The following WDR27 variants were observed in gnomAD, a reference collection of about 807,000 sequenced individuals.
WDR27 encodes the protein WD repeat-containing protein 27.
Under a neutral mutation model 114.4 loss-of-function variants are expected in WDR27, and 100 were observed. The observed-to-expected ratio is 0.87, with a 90% CI of 0.74 to 1.03. The LOEUF (loss-of-function observed/expected upper bound fraction) is 1.03. Among genes scored for constraint, WDR27 ranks in the 50% least tolerant of loss-of-function variants. The pLI is 0.00. For synonymous variants in WDR27, 449 were observed against 423.1 expected, an observed-to-expected ratio of 1.06 and a Z score of -0.75; for missense variants, 1,129 against 1,092.9, an observed-to-expected ratio of 1.03 and a Z score of -0.47.
intron 23 of WDR27, among the ~76,000 whole-genome samples, chr6:169,589,993 G>T (rs193077877): frequency 6.6e-6 from 1 of 152,366 alleles, no homozygotes; most frequent in African/African-American, 2.4e-5. Flanking sequence ...CAAAAGATGA[G>T]GATGTGGCAT....
At chr6:169,612,280 G>A (rs570620891) in intron 22 of WDR27, among the ~76,000 whole-genome samples, 11 of 152,082 alleles carry the variant, frequency 7.2e-5, no homozygotes, top group Non-Finnish European at 1.0e-4. Context: ...TTAGCTGGGC[G>A]TGGTGGCGGG....
At chr6:169,559,518 G>C (rs755229026) in intron 25 of WDR27, 1 of 152,182 alleles carries the variant, frequency 6.6e-6, no homozygotes, top group Non-Finnish European at 1.5e-5. Context: ...AAGCATTAAT[G>C]CCACATTAGT....
chr6:169,689,022 A>G lies in WDR27; in HGVS notation c.-7-10T>C. ...ATTTTCCATCTTCAATCTGAAAACA[A>G]AAAGTACATATAAGATGACTATAGG... On this transcript the variant is annotated splice_polypyrimidine_tract_variant and intron_variant, in intron 1 of 25. Coordinates refer to ENST00000448612, the MANE Select transcript of WDR27 (RefSeq NM_182552.5). 1.3e-6 allele frequency: 2 copies of G among 1,595,908 alleles called. No individual in the cohort carries two copies. The highest frequency in any genetic ancestry group is 1.1e-5 in the South Asian group (1 of 88,430).
intron 25 of WDR27, among the ~76,000 whole-genome samples, chr6:169,490,982 T>A (rs1327753314): frequency 6.6e-6 from 1 of 152,084 alleles, no homozygotes; most frequent in Non-Finnish European, 1.5e-5. Flanking sequence ...ACACCACTCA[T>A]CATCCACAAA....
At position 169,651,921 on chromosome 6, in the gene WDR27, T is replaced by C. The variant is rs551801454; in HGVS notation, c.1481+9A>G. 307 of 1,611,384 alleles carry C rather than the reference T, an allele frequency of 1.9e-4. 6 individuals are homozygous for C. The South Asian group carries it at 3.2e-3, about 17-fold the overall frequency. The stretch of plus-strand genomic sequence containing the variant: ...CATTTCTGTCTCTCATTGACATGAG[T>C]TCACTCACTGTGGTGCTGACGCATA... On this transcript the variant is annotated intron_variant, in intron 14 of 25. Transcript: ENST00000448612.
Position 169,638,523 on chromosome 6 carries a change from G to T in WDR27, c.1869+16C>A. Reference sequence around the variant, plus strand: ...TTTGGAAATGACTGCCCATGGCAGAGATGACTGTCCATTACCAGAAGCAGT... The same window carrying T: ...TTTGGAAATGACTGCCCATGGCAGATATGACTGTCCATTACCAGAAGCAGT... On this transcript the variant is annotated intron_variant, in intron 18 of 25. Transcript: ENST00000448612. 1 of 1,610,184 alleles carries T rather than the reference G, an allele frequency of 6.2e-7. No homozygotes were observed. The highest frequency in any genetic ancestry group is 8.5e-7 in the Non-Finnish European group (1 of 1,178,792).
chr6:169,477,533 G>A (rs541039311), intron 25 of WDR27, among the ~76,000 whole-genome samples: 1 of 152,130 alleles, frequency 6.6e-6, no homozygotes, highest in Non-Finnish European at 1.5e-5. Context: ...CCGCCTCCCA[G>A]GTTCAAACAA....
intron 18 of WDR27, among the ~76,000 whole-genome samples, chr6:169,637,303 A>G (rs1213830121): frequency 6.6e-6 from 1 of 152,248 alleles, no homozygotes; most frequent in Non-Finnish European, 1.5e-5. Flanking sequence ...TATCTGGACT[A>G]TGAAATCACA....
intron 10 of WDR27, 73 bp downstream of exon 10, chr6:169,660,590 A>G (rs1324254428): frequency 3.1e-6 from 4 of 1,304,548 alleles, no homozygotes; most frequent in South Asian, 2.4e-5. Context: ...TTCTCCACAA[A>G]CACTTACACT....
rs1049748509 is a variant in WDR27, at chr6:169,701,852, C to T, written c.-309G>A. On this transcript the variant is annotated 5_prime_UTR_variant, in exon 1 of 26. It adds an upstream start codon to the 5' untranslated region. Transcript: ENST00000448612. ...GCGCTCCAGCCCTGCGCCCTAGGCACACGCCCCAGAGCAGCAGCTCGGGTT... is the reference window on the plus strand; with the variant it reads ...GCGCTCCAGCCCTGCGCCCTAGGCATACGCCCCAGAGCAGCAGCTCGGGTT... 3.1e-6 allele frequency: 1 copy of T among 323,898 alleles called. No individual in the cohort carries two copies. The allele number at this position is 323,898 out of a possible 1,614,324, so 20.1% of individuals were successfully genotyped here. A position where few individuals can be genotyped will look rare whatever the true frequency, so the allele number is the denominator to read the frequency against.
intron 25 of WDR27, among the ~76,000 whole-genome samples, chr6:169,511,178 G>A (rs915790196): frequency 6.6e-6 from 1 of 152,138 alleles, no homozygotes; most frequent in Non-Finnish European, 1.5e-5. Context: ...CCATTTAGCT[G>A]CCTTTGAGGA....
At chr6:169,656,566 G>C (rs1183249049) in intron 13 of WDR27, among the ~76,000 whole-genome samples, 1 of 152,152 alleles carries the variant, frequency 6.6e-6, no homozygotes, top group East Asian at 1.9e-4. Flanking sequence ...AAGAGGTTCG[G>C]GGGGCTGAGA....
chr6:169,519,950 T>C (rs748588313), intron 25 of WDR27, among the ~76,000 whole-genome samples: 14 of 152,058 alleles, frequency 9.2e-5, no homozygotes, highest in Admixed American at 5.2e-4. Flanking sequence ...AAAAGTGAGA[T>C]TGAGGTGGAC....
At chr6:169,667,929 T>C (rs41265383) in intron 5 of WDR27, 53 bp downstream of exon 5, 190,165 of 1,525,504 alleles carry the variant, frequency 0.12, 14,605 homozygotes, top group East Asian at 0.3. Flanking sequence ...GTCACCACAG[T>C]TCTTTCCACA....
intron 1 of WDR27, among the ~76,000 whole-genome samples, chr6:169,697,909 G>A (rs1786657552): frequency 6.6e-6 from 1 of 152,126 alleles, no homozygotes; most frequent in South Asian, 2.1e-4. Context: ...TCTTTGTCTT[G>A]TGTCTTTATT....
chr6:169,668,896 T>C (rs1828628049), intron 4 of WDR27: 1 of 152,228 alleles, frequency 6.6e-6, no homozygotes, highest in Non-Finnish European at 1.5e-5. Context: ...ATACGACATA[T>C]CGCCATCAAC....
At chr6:169,485,426 A>T (rs371524196) in intron 25 of WDR27, among the ~76,000 whole-genome samples, 1 of 152,250 alleles carries the variant, frequency 6.6e-6, no homozygotes, top group African/African-American at 2.4e-5. Flanking sequence ...AGCATCACTT[A>T]TCATGAGAGA....
intron 25 of WDR27, among the ~76,000 whole-genome samples, chr6:169,468,810 G>A (rs1583606073): frequency 6.6e-6 from 1 of 152,178 alleles, no homozygotes; most frequent in East Asian, 1.9e-4. Flanking sequence ...AATTCTCACA[G>A]TTCTGTAGGC....
chr6:169,656,184 TA>T (rs143850524), intron 13 of WDR27, among the ~76,000 whole-genome samples: 3,003 of 146,520 alleles, frequency 0.02, 93 homozygotes, highest in African/African-American at 0.069. Flanking sequence ...CAAAAAAGGT[TA>T]AAAAAAAAAG....
Sources: allele counts gnomAD v4.1 joint callset (sites outside exome capture counted in the v4.1 genomes callset), GRCh38; gene constraint gnomAD v4.1.1; transcripts MANE v1.5; gene names NCBI Gene and HGNC (gene_info 2026-07-23, HGNC 2026-07-21).